NHSL1: variants seen among roughly 807,000 people sequenced by gnomAD.
NHSL1 encodes NHS like 1.
A neutral mutation model predicts 95.0 loss-of-function variants in NHSL1; 48 were observed. The ratio of observed to expected loss-of-function variants is 0.51; its 90% CI spans 0.40 to 0.64. The LOEUF (loss-of-function observed/expected upper bound fraction) is 0.64, where lower values mean the gene tolerates loss of function less well. NHSL1 is among the 30% of genes least tolerant of loss of function. NHSL1 has a pLI of 0.00. For synonymous variants in NHSL1, 783 were observed against 833.9 expected (o/e 0.94, Z 1.05); for missense variants, 1,971 against 2,077.7 (o/e 0.95, Z 1.00).
rs1214781894 is a variant in NHSL1, at chr6:138,442,094, C to T, written c.553G>A (p.Ala185Thr). The T allele has an allele frequency of 2.6e-6, 4 of 1,549,980 alleles. No individual in the cohort carries two copies. In the Admixed American group the frequency reaches 7.9e-5, roughly 31 times the overall value. The change falls in exon 5 of 8, where the codon GCC becomes ACC. Residue 185 changes from alanine to threonine, a missense_variant. By Grantham distance (58) the Ala-to-Thr change is moderately conservative. Coordinates refer to ENST00000343505, the MANE Select transcript of NHSL1 (RefSeq NM_001144060.2). ...TAAATTAGAGACCGCCGAAGGCTGG[C>T]CTGGCGATCGAAATTCTCCCCTAAT... is the stretch of plus-strand genomic sequence containing the variant. ...NITGENFDRQ[A>T]SLRRSLIYTD...
chr6:138,475,224 T>C (rs1378595963), intron 2 of NHSL1, among the ~76,000 whole-genome samples: 2 of 151,522 alleles, frequency 1.3e-5, no homozygotes, highest in South Asian at 2.1e-4. Flanking sequence ...AGTAGTTTTC[T>C]TCTTTTTTTT....
chr6:138,658,763 A>G (rs1008484708), intron 1 of NHSL1, among the ~76,000 whole-genome samples: 5 of 152,130 alleles, frequency 3.3e-5, no homozygotes, highest in African/African-American at 1.2e-4. Context: ...TCTAATTTTA[A>G]ATTGAGATTA....
chr6:138,539,580 A>G (rs1414205234), intron 1 of NHSL1, among the ~76,000 whole-genome samples: 1 of 152,218 alleles, frequency 6.6e-6, no homozygotes, highest in Non-Finnish European at 1.5e-5. Flanking sequence ...AAGGTGAGGT[A>G]GGGGGCCTAA....
chr6:138,568,342 T>C (rs1436333926), intron 1 of NHSL1, among the ~76,000 whole-genome samples: 1 of 152,238 alleles, frequency 6.6e-6, no homozygotes, highest in East Asian at 1.9e-4. Flanking sequence ...TATCTTTCTT[T>C]GTATCCTGCA....
intron 7 of NHSL1, among the ~76,000 whole-genome samples, chr6:138,426,463 G>T (rs564376454): frequency 2.0e-5 from 3 of 152,266 alleles, no homozygotes; most frequent in African/African-American, 7.2e-5. Context: ...ATTTCTGACT[G>T]TGTATTTTTC....
intron 1 of NHSL1, among the ~76,000 whole-genome samples, chr6:138,563,534 G>A (rs1783490191): frequency 6.6e-6 from 1 of 152,194 alleles, no homozygotes; most frequent in Non-Finnish European, 1.5e-5. Flanking sequence ...TGATAGTGAA[G>A]AGATTATCAA....
intron 1 of NHSL1, among the ~76,000 whole-genome samples, chr6:138,589,923 C>T (rs1216990326): frequency 6.6e-6 from 1 of 152,140 alleles, no homozygotes; most frequent in African/African-American, 2.4e-5. Flanking sequence ...CAAATGAAGA[C>T]ACTGAATGTG....
chr6:138,500,104 A>G (rs1780593977), upstream of NHSL1, among the ~76,000 whole-genome samples: 1 of 152,208 alleles, frequency 6.6e-6, no homozygotes, highest in Admixed American at 6.5e-5. Flanking sequence ...TCCACCAAAA[A>G]AAATACAACT....
chr6:138,689,313 A>C (rs149268021), intron 1 of NHSL1, among the ~76,000 whole-genome samples: 2,639 of 152,332 alleles, frequency 0.017, 64 homozygotes, highest in African/African-American at 0.06. Flanking sequence ...TGCCATGGGA[A>C]CAGCCCCTCA....
chr6:138,428,438 C>A (rs536542364), intron 7 of NHSL1, among the ~76,000 whole-genome samples: 26 of 152,328 alleles, frequency 1.7e-4, no homozygotes, highest in African/African-American at 5.8e-4. Flanking sequence ...TTTATCATTT[C>A]TCTGTTTTGA....
intron 1 of NHSL1, among the ~76,000 whole-genome samples, chr6:138,544,823 G>A (rs1782719430): frequency 6.6e-6 from 1 of 151,804 alleles, no homozygotes; most frequent in Non-Finnish European, 1.5e-5. Flanking sequence ...AGAGTTGGAA[G>A]AAAAATAGAG....
chr6:138,637,295 CAAGAA>C (rs1327027318), intron 1 of NHSL1, among the ~76,000 whole-genome samples: 1 of 152,106 alleles, frequency 6.6e-6, no homozygotes, highest in Non-Finnish European at 1.5e-5. Context: ...GAAACTACTA[CAAGAA>C]AACATTGGGA....
chr6:138,671,407 G>A (rs1442250479), intron 1 of NHSL1, among the ~76,000 whole-genome samples: 1 of 150,478 alleles, frequency 6.6e-6, no homozygotes, highest in Non-Finnish European at 1.5e-5. Flanking sequence ...CCAAGATCGC[G>A]CCACTGCACT....
At chr6:138,598,197 G>A (rs948730739) in intron 1 of NHSL1, among the ~76,000 whole-genome samples, 4 of 151,946 alleles carry the variant, frequency 2.6e-5, no homozygotes, top group African/African-American at 9.7e-5. Flanking sequence ...GGTGGCTCAC[G>A]CCTGTAATCC....
intron 2 of NHSL1, among the ~76,000 whole-genome samples, chr6:138,485,675 C>CT (rs1302078491): frequency 6.6e-6 from 1 of 152,100 alleles, no homozygotes; most frequent in Non-Finnish European, 1.5e-5. Context: ...TAAATAGCCC[C>CT]TTTTTGTATA....
At chr6:138,657,957 T>A (rs370834046) in intron 1 of NHSL1, among the ~76,000 whole-genome samples, 53 of 151,626 alleles carry the variant, frequency 3.5e-4, no homozygotes, top group Middle Eastern at 3.4e-3. Context: ...ACTGAACATA[T>A]TTCTTAGTTT....
intron 2 of NHSL1, among the ~76,000 whole-genome samples, chr6:138,480,371 G>A (rs1779343522): frequency 6.6e-6 from 1 of 152,172 alleles, no homozygotes; most frequent in South Asian, 2.1e-4. Context: ...AATGTATGGA[G>A]GGCTGACTGT....
intron 1 of NHSL1, among the ~76,000 whole-genome samples, chr6:138,560,179 G>A (rs554623302): frequency 1.1e-4 from 16 of 152,282 alleles, no homozygotes; most frequent in African/African-American, 3.9e-4. Context: ...CATAACCTTC[G>A]AGATTTCTAA....
At chr6:138,555,607 G>A (rs1783167885) in intron 1 of NHSL1, among the ~76,000 whole-genome samples, 1 of 152,082 alleles carries the variant, frequency 6.6e-6, no homozygotes, top group Non-Finnish European at 1.5e-5. Context: ...CTGTTCTTGT[G>A]CGGAATAAAA....
Sources: gnomAD v4.1 joint callset for allele counts (sites outside exome capture counted in the v4.1 genomes callset) on GRCh38, gnomAD v4.1.1 for gene constraint, MANE v1.5 for transcripts, NCBI Gene and HGNC (gene_info 2026-07-23, HGNC 2026-07-21) for gene names.